TNIK: variants seen among roughly 807,000 people sequenced by gnomAD.
The protein encoded by TNIK is TRAF2 and NCK interacting kinase, also known as TRAF2 and NCK-interacting protein kinase.
In TNIK, 49 loss-of-function variants were observed where a neutral mutation model predicts 191.3. That is an observed-to-expected ratio of 0.26 (90% CI 0.20 to 0.32). TNIK has a LOEUF of 0.32. Ranked by LOEUF, TNIK falls within the 10% of genes least tolerant of loss-of-function variation. TNIK has a pLI of 1.00. For synonymous variants in TNIK, 594 were observed against 600.9 expected (o/e 0.99, Z 0.17); for missense variants, 1,155 against 1,702.3 (o/e 0.68, Z 5.66).
intron 7 of TNIK, among the ~76,000 whole-genome samples, chr3:171,185,784 TAAAC>T (rs1407759189): frequency 6.6e-6 from 1 of 152,260 alleles, no homozygotes; most frequent in African/African-American, 2.4e-5. Flanking sequence ...AAATAATTGA[TAAAC>T]AATAAATCAA....
At chr3:171,439,850 C>T (rs1358404200) in intron 1 of TNIK, among the ~76,000 whole-genome samples, 1 of 152,194 alleles carries the variant, frequency 6.6e-6, no homozygotes, top group African/African-American at 2.4e-5. Context: ...ACCCACCTGG[C>T]CCTCACTCAA....
At chr3:171,239,515 TAG>T (rs1435481368) in intron 2 of TNIK, among the ~76,000 whole-genome samples, 2 of 152,208 alleles carry the variant, frequency 1.3e-5, no homozygotes, top group African/African-American at 4.8e-5. Flanking sequence ...CATCCAAATA[TAG>T]ACTCTCCACA....
intron 14 of TNIK, among the ~76,000 whole-genome samples, chr3:171,138,836 A>C (rs1730388592): frequency 6.6e-6 from 1 of 152,166 alleles, no homozygotes; most frequent in Non-Finnish European, 1.5e-5. Flanking sequence ...TAAAACTTGG[A>C]CCTACAAAGG....
intron 9 of TNIK, among the ~76,000 whole-genome samples, chr3:171,169,680 A>G (rs1735051584): frequency 6.6e-6 from 1 of 152,256 alleles, no homozygotes; most frequent in Non-Finnish European, 1.5e-5. Context: ...TGTACAGTCT[A>G]TTCCCTGATA....
intron 2 of TNIK, among the ~76,000 whole-genome samples, chr3:171,321,884 T>C (rs933204952): frequency 5.3e-5 from 8 of 152,218 alleles, no homozygotes; most frequent in African/African-American, 1.9e-4. Flanking sequence ...AGCATAAATG[T>C]CAGTTCCAAT....
chr3:171,145,382 G>A (rs1490523933), intron 12 of TNIK, among the ~76,000 whole-genome samples: 3 of 152,012 alleles, frequency 2.0e-5, no homozygotes, highest in South Asian at 2.1e-4. Flanking sequence ...CACCGCACCC[G>A]GCCACAGCTA....
At chr3:171,348,858 G>A (rs1712683215) in intron 2 of TNIK, among the ~76,000 whole-genome samples, 1 of 151,718 alleles carries the variant, frequency 6.6e-6, no homozygotes, top group East Asian at 1.9e-4. Flanking sequence ...TGAGACAAGG[G>A]CAAATATTTT....
At chr3:171,409,333 CAAAGT>C (rs1216745216) in intron 1 of TNIK, among the ~76,000 whole-genome samples, 1 of 152,112 alleles carries the variant, frequency 6.6e-6, no homozygotes, top group Admixed American at 6.5e-5. Flanking sequence ...CAACACCCAG[CAAAGT>C]GTCCGGCACA....
At chr3:171,285,985 C>CAGG (rs10660563) in intron 2 of TNIK, among the ~76,000 whole-genome samples, 74,415 of 151,912 alleles carry the variant, frequency 0.49, 18,783 homozygotes, top group African/African-American at 0.51. Context: ...CCTGAAGGAT[C>CAGG]AGGAGGATAC....
At chr3:171,175,120 A>C in intron 9 of TNIK, 132 bp downstream of exon 9, 2 of 863,392 alleles carry the variant, frequency 2.3e-6, no homozygotes, top group Non-Finnish European at 3.8e-6. Context: ...AGCATATGGA[A>C]AGTAATTCAC....
chr3:171,216,449 A>G (rs986246707), intron 3 of TNIK, among the ~76,000 whole-genome samples: 21 of 152,190 alleles, frequency 1.4e-4, no homozygotes, highest in Admixed American at 1.3e-3. Context: ...TTTCAGTTCT[A>G]TAGGATGGAG....
chr3:171,259,802 C>G (rs1298680389), intron 2 of TNIK, among the ~76,000 whole-genome samples: 1 of 152,164 alleles, frequency 6.6e-6, no homozygotes, highest in Non-Finnish European at 1.5e-5. Flanking sequence ...TTGTCCTTGT[C>G]TGTCCCTCAC....
rs192559130 is a variant in TNIK at position 171,423,927 on chromosome 3, G to A, written c.57+36080C>T. Among the ~76,000 whole-genome samples, 453 of 152,214 alleles carry A rather than the reference G, an allele frequency of 3.0e-3. 4 individuals are homozygous for A. The highest frequency in any genetic ancestry group is 3.2e-3 in the Non-Finnish European group (220 of 68,014). On this transcript the variant is annotated intron_variant, in intron 1 of 32. Coordinates refer to ENST00000436636, the MANE Select transcript of TNIK (RefSeq NM_015028.4). The stretch of plus-strand genomic sequence containing the variant: ...CCATTCAGGACATAGGCATGGACAA[G>A]GACTTCATGTCTAAAACACCCAAAG...
intron 2 of TNIK, among the ~76,000 whole-genome samples, chr3:171,331,562 T>C (rs531926994): frequency 1.7e-4 from 26 of 152,174 alleles, no homozygotes; most frequent in Non-Finnish European, 3.1e-4. Context: ...TAACTAAATA[T>C]ATAGCTCAAG....
chr3:171,184,774 C>T (rs1021047877), intron 7 of TNIK, among the ~76,000 whole-genome samples: 1 of 152,170 alleles, frequency 6.6e-6, no homozygotes, highest in Non-Finnish European at 1.5e-5. Flanking sequence ...GTATTTCCAC[C>T]CTGCCTGAAT....
At chr3:171,302,355 T>C (rs1210775826) in intron 2 of TNIK, among the ~76,000 whole-genome samples, 1 of 152,172 alleles carries the variant, frequency 6.6e-6, no homozygotes, top group Non-Finnish European at 1.5e-5. Context: ...AGTGTATCTA[T>C]AGACTTAGAA....
chr3:171,315,059 G>A (rs550235265), intron 2 of TNIK, among the ~76,000 whole-genome samples: 3 of 152,266 alleles, frequency 2.0e-5, no homozygotes, highest in African/African-American at 7.2e-5. Context: ...GCTTTATCCT[G>A]AAGTGAGCCT....
chr3:171,450,608 T>C (rs1408409326), intron 1 of TNIK, among the ~76,000 whole-genome samples: 5 of 152,186 alleles, frequency 3.3e-5, no homozygotes, highest in South Asian at 2.1e-4. Flanking sequence ...AGTAGATATA[T>C]AGACAAAGAT....
At chr3:171,105,069 C>CCCCCAAATTAATTTTTATAAAAAGTTAA (rs1724548965) in intron 21 of TNIK, among the ~76,000 whole-genome samples, 1 of 149,632 alleles carries the variant, frequency 6.7e-6, no homozygotes, top group Non-Finnish European at 1.5e-5. Context: ...AATGTACACT[C>CCCCCAAATTAATTTTTATAAAAAGTTAA]CCCCAAATTA....
Sources: allele counts gnomAD v4.1 joint callset (sites outside exome capture counted in the v4.1 genomes callset), GRCh38; gene constraint gnomAD v4.1.1; transcripts MANE v1.5; gene names NCBI Gene and HGNC (gene_info 2026-07-23, HGNC 2026-07-21).